Variants in ELK3 observed in about 807,000 individuals in gnomAD.
ELK3 encodes the protein ETS domain-containing protein Elk-3.
Under a neutral mutation model 28.9 loss-of-function variants are expected in ELK3, and 10 were observed. The observed-to-expected ratio is 0.35, with a 90% CI of 0.21 to 0.59. The LOEUF (loss-of-function observed/expected upper bound fraction) is 0.59, where lower values mean the gene tolerates loss of function less well. Ranked by LOEUF, ELK3 falls within the 20% of genes least tolerant of loss-of-function variation. ELK3 has a pLI of 0.82. For synonymous variants in ELK3, 272 were observed against 243.5 expected (o/e 1.12, Z -1.09); for missense variants, 463 against 517.3 (o/e 0.90, Z 1.02).
At chr12:96,215,843 A>G (rs778949375) in intron 1 of ELK3, among the ~76,000 whole-genome samples, 12 of 151,990 alleles carry the variant, frequency 7.9e-5, no homozygotes, top group East Asian at 3.9e-4. Flanking sequence ...ACTCTTGCCC[A>G]GGCTGGTCTC....
rs545165792 is a variant in ELK3 at position 96,214,224 on chromosome 12, A to G, written c.-2-9341A>G. ...GGTGGGTGGATCACCTGAGGTCAGG[A>G]GTTTGAGACCACCCTGGCGAACATG... On this transcript the variant is annotated intron_variant, in intron 1 of 4. Transcript: ENST00000228741. Among the ~76,000 whole-genome samples, 13 of 152,208 alleles carry G rather than the reference A, an allele frequency of 8.5e-5. No individual in the cohort carries two copies. In the South Asian group the frequency reaches 2.7e-3, roughly 32 times the overall value.
chr12:96,235,288 CCT>C (rs1437459077), intron 2 of ELK3, among the ~76,000 whole-genome samples: 1 of 150,520 alleles, frequency 6.6e-6, no homozygotes, highest in Non-Finnish European at 1.5e-5. Context: ...CCTTCAGACT[CCT>C]CTCTCTGCCT....
intron 2 of ELK3, among the ~76,000 whole-genome samples, chr12:96,232,598 A>T (rs933152371): frequency 6.1e-5 from 9 of 147,742 alleles, no homozygotes; most frequent in East Asian, 2.0e-4. Context: ...AAAATACATT[A>T]AAAAAAAAGT....
chr12:96,227,405 G>A (rs1951710107), intron 2 of ELK3, among the ~76,000 whole-genome samples: 1 of 151,782 alleles, frequency 6.6e-6, no homozygotes, highest in African/African-American at 2.4e-5. Context: ...CACATCCCTG[G>A]GTTTGTCCTA....
rs538983425 is a variant in ELK3, at chr12:96,250,870, C to T, written c.1002+3136C>T. On this transcript the variant is annotated intron_variant, in intron 3 of 4. Coordinates refer to ENST00000228741, the MANE Select transcript of ELK3 (RefSeq NM_005230.4). The stretch of plus-strand genomic sequence containing the variant: ...CCCGATACCCTGAAGGTACAAATTC[C>T]GAAGGTTGGTTATTTCCAGCTAGAA... Among the ~76,000 whole-genome samples the T allele has an allele frequency of 1.2e-3, 181 of 152,162 alleles. 1 individual carries two copies. The highest frequency in any genetic ancestry group is 4.2e-3 in the African/African-American group (173 of 41,528).
chr12:96,198,793 T>C (rs1951489604), intron 1 of ELK3, among the ~76,000 whole-genome samples: 1 of 152,234 alleles, frequency 6.6e-6, no homozygotes, highest in Non-Finnish European at 1.5e-5. Context: ...TGTGTCTATG[T>C]ATATCCACAC....
At chr12:96,228,235 T>C (rs932004472) in intron 2 of ELK3, among the ~76,000 whole-genome samples, 9 of 149,848 alleles carry the variant, frequency 6.0e-5, no homozygotes, top group South Asian at 2.1e-4. Flanking sequence ...CTGGCCAACA[T>C]GGTGAAACCC....
At position 96,247,729 on chromosome 12, in the gene ELK3, G is replaced by A. The variant is rs375459689; in HGVS notation, c.997G>A (p.Ala333Thr). 8.9e-6 allele frequency: 14 copies of A among 1,567,730 alleles called. No individual in the cohort carries two copies. Among genetic ancestry groups the A allele is most frequent in the East Asian group, 2.3e-5 (1 of 42,654 alleles). Residue 333 changes from alanine to threonine, a missense_variant, in exon 3 of 5, where the codon GCA becomes ACA. Physicochemically the swap from Ala to Thr is moderately conservative, Grantham distance 58. Transcript: ENST00000228741. This position sits in a 1 kb window ranked among gnomAD's most constrained non-coding sequence, Gnocchi z 5.5. Reference protein sequence around the residue: ...SGSLTPAFFTAQTPNGLLLTP... With the variant: ...SGSLTPAFFTTQTPNGLLLTP... Reference sequence around the variant, plus strand: ...ATCCCTCACCCCAGCCTTCTTCACCGCACAGGTAAGAGTCATTCCTGTCAT... The same window carrying A: ...ATCCCTCACCCCAGCCTTCTTCACCACACAGGTAAGAGTCATTCCTGTCAT...
intron 1 of ELK3, among the ~76,000 whole-genome samples, chr12:96,211,531 G>A (rs1951579370): frequency 6.7e-6 from 1 of 149,726 alleles, no homozygotes; most frequent in Non-Finnish European, 1.5e-5. Flanking sequence ...GTGTGTATCA[G>A]TTTTATGTAT....
intron 1 of ELK3, among the ~76,000 whole-genome samples, chr12:96,202,138 C>A (rs1951511420): frequency 6.6e-6 from 1 of 152,178 alleles, no homozygotes; most frequent in African/African-American, 2.4e-5. Context: ...CCCTTCTCTC[C>A]CCAGGAGCTA....
chr12:96,237,999 CT>C (rs141407336), intron 2 of ELK3, among the ~76,000 whole-genome samples: 5,863 of 152,228 alleles, frequency 0.039, 196 homozygotes, highest in East Asian at 0.12. Flanking sequence ...TCCTCTGCTA[CT>C]TGTGGGTGTT....
intron 1 of ELK3, among the ~76,000 whole-genome samples, chr12:96,195,881 G>A (rs1317455699): frequency 7.7e-6 from 1 of 129,652 alleles, no homozygotes; most frequent in Admixed American, 7.4e-5. Flanking sequence ...CCCCTTCCCC[G>A]CCAGCCCCCT....
chr12:96,198,320 C>T (rs368943912), intron 1 of ELK3, among the ~76,000 whole-genome samples: 6 of 152,172 alleles, frequency 3.9e-5, no homozygotes, highest in East Asian at 1.9e-4. Context: ...CCTCAGCCTC[C>T]GCAGTAGCTG....
At chr12:96,206,793 G>A (rs973331690) in intron 1 of ELK3, among the ~76,000 whole-genome samples, 4 of 152,146 alleles carry the variant, frequency 2.6e-5, no homozygotes. Flanking sequence ...ATGCTTTGGG[G>A]TACAGATTGA....
intron 2 of ELK3, among the ~76,000 whole-genome samples, chr12:96,243,284 T>C (rs763691608): frequency 6.6e-6 from 1 of 152,194 alleles, no homozygotes; most frequent in Non-Finnish European, 1.5e-5. Context: ...ATTACCTCCT[T>C]CCTTCCACCC....
intron 1 of ELK3, among the ~76,000 whole-genome samples, chr12:96,204,217 C>T (rs1345029130): frequency 4.0e-5 from 6 of 151,892 alleles, no homozygotes; most frequent in Admixed American, 3.3e-4. Context: ...ATCATTAGTC[C>T]TTTATTAAAG....
chr12:96,264,630 C>A (rs915188332), intron 4 of ELK3, among the ~76,000 whole-genome samples: 17 of 151,936 alleles, frequency 1.1e-4, no homozygotes, highest in Non-Finnish European at 2.2e-4. Flanking sequence ...AAAAAAAATA[C>A]AAAAATTGGC....
chr12:96,255,847 C>A (rs966204147), intron 3 of ELK3, among the ~76,000 whole-genome samples: 3 of 152,124 alleles, frequency 2.0e-5, no homozygotes, highest in African/African-American at 7.2e-5. Context: ...AAAAGTAAGT[C>A]ACCATATATA....
At chr12:96,259,632 G>T (rs571515434) in intron 3 of ELK3, 99 bp from the exon 4 acceptor site, 3 of 1,362,412 alleles carry the variant, frequency 2.2e-6, no homozygotes, top group African/African-American at 2.9e-5. Flanking sequence ...TCGTTTCCTG[G>T]CCCATGCCTA....
Sources: gnomAD v4.1 joint callset for allele counts (sites outside exome capture counted in the v4.1 genomes callset) on GRCh38, gnomAD v4.1.1 for gene constraint, Gnocchi (gnomAD v3.1) non-coding constraint, MANE v1.5 for transcripts, NCBI Gene and HGNC (gene_info 2026-07-23, HGNC 2026-07-21) for gene names.